Variants in MAJIN observed in about 807,000 individuals in gnomAD.
The protein encoded by MAJIN is membrane anchored junction protein.
A neutral mutation model predicts 30.2 loss-of-function variants in MAJIN; 27 were observed. The ratio of observed to expected loss-of-function variants is 0.89; its 90% CI spans 0.66 to 1.23. The LOEUF (loss-of-function observed/expected upper bound fraction) is 1.23. Among genes scored for constraint, MAJIN ranks in the 50% most tolerant of loss-of-function variants. The probability of loss-of-function intolerance (pLI) is 0.00; values close to 1 mark genes in which losing one functional copy is unlikely to be tolerated. For missense variants in MAJIN, 253 were observed against 260.3 expected, an observed-to-expected ratio of 0.97 and a Z score of 0.19; for synonymous variants, 78 against 91.6, an observed-to-expected ratio of 0.85 and a Z score of 0.85.
Position 64,971,214 on chromosome 11 carries a change from G to C in MAJIN, c.-65+663C>G, listed in dbSNP as rs1296283219. Among the ~76,000 whole-genome samples, 3 of 152,094 alleles carry C rather than the reference G, an allele frequency of 2.0e-5. No individual in the cohort carries two copies. The East Asian group carries it at 5.8e-4, about 29-fold the overall frequency. On this transcript the variant is annotated intron_variant, in intron 1 of 10. Transcript: ENST00000301896. The stretch of plus-strand genomic sequence containing the variant: ...AGGCAGAGGCGGGTGGATCACTTGA[G>C]GTCAGGAGTTCAAGACCAGCCTGGC...
At chr11:64,962,796 T>A (rs988833714) in intron 1 of MAJIN, among the ~76,000 whole-genome samples, 1 of 152,148 alleles carries the variant, frequency 6.6e-6, no homozygotes, top group East Asian at 1.9e-4. Context: ...GCACTTACGA[T>A]AGATTTGAAG....
chr11:64,947,674 TG>T, intron 7 of MAJIN, 113 bp downstream of exon 7: 1 of 1,201,602 alleles, frequency 8.3e-7, no homozygotes, highest in Non-Finnish European at 1.2e-6. Context: ...CAATTCTGAC[TG>T]GACCTGGGCA....
At chr11:64,948,646 T>C (rs1319997283) in intron 6 of MAJIN, among the ~76,000 whole-genome samples, 2 of 37,012 alleles carry the variant, frequency 5.4e-5, no homozygotes, top group African/African-American at 2.7e-4. Context: ...TATATTTTTT[T>C]TTTTTTTTTT....
At chr11:64,958,167 T>C (rs1945665101) in intron 3 of MAJIN, among the ~76,000 whole-genome samples, 1 of 138,482 alleles carries the variant, frequency 7.2e-6, no homozygotes, top group African/African-American at 2.6e-5. Context: ...GGTCTCGAAC[T>C]CCTGACCTCA....
At chr11:64,950,917 A>C (rs1945542202) in intron 4 of MAJIN, among the ~76,000 whole-genome samples, 1 of 152,074 alleles carries the variant, frequency 6.6e-6, no homozygotes, top group Non-Finnish European at 1.5e-5. Context: ...ATAGAAAGGG[A>C]ATTTCTCTTC....
At chr11:64,947,158 A>G (rs1945463522) in intron 8 of MAJIN, among the ~76,000 whole-genome samples, 1 of 152,202 alleles carries the variant, frequency 6.6e-6, no homozygotes, top group Non-Finnish European at 1.5e-5. Context: ...TCATCTTGAA[A>G]AGAAAAATCG....
chr11:64,958,594 G>A (rs1272149176), intron 3 of MAJIN, among the ~76,000 whole-genome samples: 1 of 121,316 alleles, frequency 8.2e-6, no homozygotes, highest in African/African-American at 2.8e-5. Context: ...ACCCTGTCTT[G>A]GGAGAAAAAA....
intron 3 of MAJIN, among the ~76,000 whole-genome samples, chr11:64,956,757 T>C (rs1252312985): frequency 7.1e-6 from 1 of 140,778 alleles, no homozygotes; most frequent in East Asian, 2.1e-4. Context: ...CAAATACATA[T>C]AAGCTGTTTT....
intron 6 of MAJIN, among the ~76,000 whole-genome samples, chr11:64,948,398 G>A (rs1394501095): frequency 6.6e-6 from 1 of 151,306 alleles, no homozygotes; most frequent in Non-Finnish European, 1.5e-5. Flanking sequence ...ATGAAAAGGG[G>A]AGATATTTTG....
chr11:64,940,639 TC>T lies in MAJIN; in HGVS notation c.480del (p.Glu162LysfsTer13). The T allele has an allele frequency of 6.2e-7, 1 of 1,613,860 alleles. No individual in the cohort carries two copies. Among genetic ancestry groups the T allele is most frequent in the Non-Finnish European group, 8.5e-7 (1 of 1,179,872 alleles). On this transcript the variant is annotated frameshift_variant, in exon 9 of 11. Transcript: ENST00000301896. LOFTEE classifies it high-confidence loss of function. ...CTGCAATCCTTGTTGGGTTTTTCTT[TC>T]CCTATTCTGTTAAAAAGAAGACCAA... ...SPSRPGLDRI[G>X]KEKPNKDCRR... is the part of the protein sequence containing the mutation.
chr11:64,948,117 T>C (rs1945479838), intron 6 of MAJIN, among the ~76,000 whole-genome samples: 1 of 152,076 alleles, frequency 6.6e-6, no homozygotes, highest in Non-Finnish European at 1.5e-5. Flanking sequence ...TGCCTTGGCC[T>C]CCCAAAGTGA....
In MAJIN at chr11:64,949,807, G is replaced by T; in HGVS notation, c.285C>A (p.Ile95=). Residue 95 remains isoleucine (I), a synonymous_variant, in exon 6 of 11, where the codon ATC becomes ATA. Transcript: ENST00000301896. ...LKFKHGEIIL[I]PYPFVFTLYV... ...ATAGAGTAAAAACAAATGGGTAGGG[G>T]ATCAAGATAATTTCCCCATGTTTGA... is the stretch of plus-strand genomic sequence containing the variant. The T allele has an allele frequency of 6.2e-7, 1 of 1,611,468 alleles. No individual in the cohort carries two copies. Among genetic ancestry groups the T allele is most frequent in the Non-Finnish European group, 8.5e-7 (1 of 1,179,648 alleles).
In MAJIN at chr11:64,939,161, T is replaced by C. The variant is rs1945334792; in HGVS notation, c.*1+501A>G. Among the ~76,000 whole-genome samples the C allele has an allele frequency of 3.9e-5, 6 of 152,070 alleles. No individual in the cohort carries two copies. In the South Asian group the frequency reaches 1.2e-3, roughly 32 times the overall value. Reference sequence around the variant, plus strand: ...CCTCTACCTCTCAGGTTCAAGAGATTCTCCTGCCTCAGCCTCACCTCCACC... The same window carrying C: ...CCTCTACCTCTCAGGTTCAAGAGATCCTCCTGCCTCAGCCTCACCTCCACC... On this transcript the variant is annotated intron_variant, in intron 10 of 10. Transcript: ENST00000301896.
chr11:64,949,220 C>A (rs1046219833), intron 6 of MAJIN, among the ~76,000 whole-genome samples: 1 of 150,180 alleles, frequency 6.7e-6, no homozygotes, highest in Non-Finnish European at 1.5e-5. Context: ...GTCCTAGCTA[C>A]TTGGGAAGCT....
intron 8 of MAJIN, chr11:64,946,039 A>AAT: frequency 6.8e-7 from 1 of 1,462,932 alleles, no homozygotes; most frequent in Non-Finnish European, 9.1e-7. Flanking sequence ...AGGAATAGCT[A>AAT]ATAGCCTTGA....
chr11:64,959,420 A>C lies in MAJIN; in HGVS notation c.-15T>G, dbSNP rs766131049. On this transcript the variant is annotated splice_region_variant and 5_prime_UTR_variant, in exon 3 of 11. Coordinates refer to ENST00000301896, the MANE Select transcript of MAJIN (RefSeq NM_001037225.3). The stretch of plus-strand genomic sequence containing the variant: ...TTTAAACTCATTGCTCCCAAACGAT[A>C]GCCTAAATAAAATAGAAAGAGAATT... 2 of 1,598,750 alleles carry C rather than the reference A, an allele frequency of 1.3e-6. No individual in the cohort carries two copies. Among genetic ancestry groups the C allele is most frequent in the East Asian group, 4.5e-5 (2 of 44,788 alleles).
At chr11:64,945,599 G>A (rs1323673469) in intron 8 of MAJIN, among the ~76,000 whole-genome samples, 1 of 151,848 alleles carries the variant, frequency 6.6e-6, no homozygotes, top group African/African-American at 2.4e-5. Flanking sequence ...GCAGTGGCAC[G>A]AACTCAGCTC....
At chr11:64,967,997 T>A (rs1163389432) in intron 1 of MAJIN, among the ~76,000 whole-genome samples, 1 of 152,114 alleles carries the variant, frequency 6.6e-6, no homozygotes, top group Non-Finnish European at 1.5e-5. Context: ...ACTTGAGGCC[T>A]TCATGGAAAG....
intron 6 of MAJIN, among the ~76,000 whole-genome samples, chr11:64,948,476 C>G (rs1183866067): frequency 6.7e-6 from 1 of 149,288 alleles, no homozygotes; most frequent in Non-Finnish European, 1.5e-5. Context: ...GTTGCCCAGG[C>G]AGAAGTGCAG....
Sources: gnomAD v4.1 joint callset for allele counts (sites outside exome capture counted in the v4.1 genomes callset) on GRCh38, gnomAD v4.1.1 for gene constraint, MANE v1.5 for transcripts, NCBI Gene and HGNC (gene_info 2026-07-23, HGNC 2026-07-21) for gene names.